STKLD1: variants seen among roughly 807,000 people sequenced by gnomAD.
The protein encoded by STKLD1 is serine/threonine kinase-like domain-containing protein STKLD1.
Under a neutral mutation model 80.4 loss-of-function variants are expected in STKLD1, and 79 were observed. The ratio of observed to expected loss-of-function variants is 0.98; its 90% CI spans 0.82 to 1.19. The LOEUF (loss-of-function observed/expected upper bound fraction) is 1.19, where lower values mean the gene tolerates loss of function less well. STKLD1 is among the 50% of genes most tolerant of loss of function. STKLD1 has a pLI of 0.00. For synonymous variants in STKLD1, 393 were observed against 357.6 expected (o/e 1.10, Z -1.12); for missense variants, 841 against 856.0 (o/e 0.98, Z 0.22).
Position 133,385,922 on chromosome 9 carries a change from GTT to G in STKLD1, c.294+244_294+245del, listed in dbSNP as rs781973246. On this transcript the variant is annotated intron_variant, in intron 4 of 17. Coordinates refer to ENST00000371957, the MANE Select transcript of STKLD1 (RefSeq NM_153710.5). The surrounding 1 kb of genome is among the most constrained non-coding windows in gnomAD (Gnocchi z 4.9). ...CCCCAAAAACCTCATCGTCAGGAGA[GTT>G]TTTTTTTTTTTTGGACAAAGTCTCG... Among the ~76,000 whole-genome samples, 7 of 143,448 alleles carry G rather than the reference GTT, an allele frequency of 4.9e-5. No individual in the cohort carries two copies. Among genetic ancestry groups the G allele is most frequent in the Admixed American group, 3.5e-4 (5 of 14,320 alleles). 94.1% of individuals were successfully genotyped at this position (143,448 alleles called of 152,430 possible).
At chr9:133,387,876 G>C (rs2130281212) in intron 5 of STKLD1, 1 of 493,564 alleles carries the variant, frequency 2.0e-6, no homozygotes, top group South Asian at 1.5e-5. Flanking sequence ...TGCCACTCCT[G>C]TCTGGTCTCC....
chr9:133,383,395 GTGA>G (rs1838194524), intron 2 of STKLD1, among the ~76,000 whole-genome samples: 1 of 61,458 alleles, frequency 1.6e-5, no homozygotes, highest in South Asian at 5.6e-4. Context: ...GGTAATGATG[GTGA>G]TGATATATGA....
In STKLD1 at chr9:133,403,019, G is replaced by A. The variant is rs143910928; in HGVS notation, c.1474+7G>A. 387 of 1,560,956 alleles carry A rather than the reference G, an allele frequency of 2.5e-4. 3 individuals carry two copies. The African/African-American group carries it at 4.9e-3, about 20-fold the overall frequency. On this transcript the variant is annotated splice_region_variant and intron_variant, in intron 14 of 17. Coordinates refer to ENST00000371957, the MANE Select transcript of STKLD1 (RefSeq NM_153710.5). ...TGGGCCCTCCTGCTGGACGGTGAGG[G>A]GCCCTCCTCCTGCTGTCCCACCGGG... is the stretch of plus-strand genomic sequence containing the variant.
Position 133,394,322 on chromosome 9 carries a change from A to G in STKLD1, c.615A>G (p.Glu205=). ...TTCGTAAGTCCTGGATGGCCCCTGA[A>G]GCCCTCAACTTCTCCTTCAGCCAGA... is the stretch of plus-strand genomic sequence containing the variant. ...DPFRKSWMAP[E]ALNFSFSQKS... The change falls in exon 8 of 18, where the codon GAA becomes GAG. Residue 205 remains glutamate (E), a synonymous_variant. Coordinates refer to ENST00000371957, the MANE Select transcript of STKLD1 (RefSeq NM_153710.5). This position sits in a 1 kb window ranked among gnomAD's most constrained non-coding sequence, Gnocchi z 4.9. 3 of 1,613,882 alleles carry G rather than the reference A, an allele frequency of 1.9e-6. No individual in the cohort carries two copies. The highest frequency in any genetic ancestry group is 2.2e-5 in the South Asian group (2 of 91,084).
Position 133,402,868 on chromosome 9 carries a change from T to C in STKLD1, c.1340-10T>C, listed in dbSNP as rs1554777904. On this transcript the variant is annotated splice_polypyrimidine_tract_variant and intron_variant, in intron 13 of 17. Transcript: ENST00000371957. ...GGGGCCCTGGGGCCCTCATTCTGGC[T>C]CACCCACAGAGTCAGAGTCACTGTC... 1.3e-6 allele frequency: 2 copies of C among 1,594,970 alleles called. No homozygotes were observed. The highest frequency in any genetic ancestry group is 1.7e-5 in the Admixed American group (1 of 57,982).
Position 133,402,998 on chromosome 9 carries a change from C to A in STKLD1, c.1460C>A (p.Ala487Asp). 1 of 1,571,282 alleles carries A rather than the reference C, an allele frequency of 6.4e-7. No homozygotes were observed. Among genetic ancestry groups the A allele is most frequent in the Admixed American group, 1.8e-5 (1 of 55,092 alleles). Residue 487 changes from alanine to aspartate, a missense_variant, in exon 14 of 18, where the codon GCC becomes GAC. By Grantham distance (126) the Ala-to-Asp change is moderately radical. Transcript: ENST00000371957. ...VCASGLGLLW[A>D]LLLDGIIVNK... The stretch of plus-strand genomic sequence containing the variant: ...GCCAGCGGCCTGGGCCTGCTCTGGG[C>A]CCTCCTGCTGGACGGTGAGGGGCCC...
chr9:133,392,969 T>C (rs1428797435), intron 7 of STKLD1, among the ~76,000 whole-genome samples: 29 of 138,824 alleles, frequency 2.1e-4, no homozygotes, highest in African/African-American at 8.0e-4. Context: ...GATGGGTGGG[T>C]AGGTGAGTAG....
Position 133,406,054 on chromosome 9 carries a change from A to C in STKLD1, c.*633A>C, listed in dbSNP as rs1816509466. 1 of 152,208 alleles carries C rather than the reference A, an allele frequency of 6.6e-6. No homozygotes were observed. Among genetic ancestry groups the C allele is most frequent in the East Asian group, 1.9e-4 (1 of 5,192 alleles). The allele number at this position is 152,208 out of a possible 1,614,324, so 9.4% of individuals were successfully genotyped here. ...ATGAGAGTCAACACTGAGCCTCCACAGGCTCCATTCCAAGTAAACATCTGC... is the reference window on the plus strand; with the variant it reads ...ATGAGAGTCAACACTGAGCCTCCACCGGCTCCATTCCAAGTAAACATCTGC... On this transcript the variant is annotated 3_prime_UTR_variant, in exon 18 of 18. Coordinates refer to ENST00000371957, the MANE Select transcript of STKLD1 (RefSeq NM_153710.5).
chr9:133,402,894 A>G lies in STKLD1; in HGVS notation c.1356A>G (p.Ser452=). 1 of 1,595,262 alleles carries G rather than the reference A, an allele frequency of 6.3e-7. No homozygotes were observed. Among genetic ancestry groups the G allele is most frequent in the African/African-American group, 1.3e-5 (1 of 74,648 alleles). Residue 452 remains serine (S), a synonymous_variant, in exon 14 of 18, where the codon TCA becomes TCG. Transcript: ENST00000371957. ...CACCCACAGAGTCAGAGTCACTGTC[A>G]GAGGAGCTGCAGAATGCTGGGCTGC... ...ITTTQESESL[S]EELQNAGLLE...
intron 16 of STKLD1, 22 bp from the exon 17 acceptor site, chr9:133,404,767 C>T (rs782819279): frequency 1.1e-5 from 18 of 1,609,310 alleles, no homozygotes; most frequent in African/African-American, 2.7e-5. Flanking sequence ...AGGGAATGAA[C>T]CCACTCCCAC....
rs1838512339 is a variant in STKLD1 at position 133,394,686 on chromosome 9, C to T, written c.702+277C>T. On this transcript the variant is annotated intron_variant, in intron 8 of 17. Coordinates refer to ENST00000371957, the MANE Select transcript of STKLD1 (RefSeq NM_153710.5). The surrounding 1 kb of genome is among the most constrained non-coding windows in gnomAD (Gnocchi z 4.9). ...GCAGCCCTCCAGGTGGTGTCACTGA[C>T]TCTTGATGGAGAAAAGCCAAGTTCA... 4.6e-6 allele frequency: 2 copies of T among 435,244 alleles called. No homozygotes were observed. Among genetic ancestry groups the T allele is most frequent in the Admixed American group, 3.6e-5 (1 of 28,152 alleles). The allele number at this position is 435,244 out of a possible 1,614,324, so 27.0% of individuals were successfully genotyped here. A position where few individuals can be genotyped will look rare whatever the true frequency, so the allele number is the denominator to read the frequency against.
chr9:133,383,732 T>G, intron 2 of STKLD1, 124 bp from the exon 3 acceptor site: 1 of 828,128 alleles, frequency 1.2e-6, no homozygotes, highest in Non-Finnish European at 2.1e-6. Context: ...ATGATGGTGA[T>G]GGTTGTGGTG....
At chr9:133,397,924 G>A in intron 10 of STKLD1, 48 bp from the exon 11 acceptor site, 2 of 1,528,936 alleles carry the variant, frequency 1.3e-6, no homozygotes, top group Non-Finnish European at 1.8e-6. Flanking sequence ...AGAGCCCCGA[G>A]GCCCTGGTCC....
In STKLD1 at chr9:133,384,179, T is replaced by C. The variant is rs1008635469; in HGVS notation, c.219+279T>C. 7 of 383,424 alleles carry C rather than the reference T, an allele frequency of 1.8e-5. No homozygotes were observed. In the Admixed American group the frequency reaches 3.0e-4, roughly 17 times the overall value. 23.8% of individuals were successfully genotyped at this position (383,424 alleles called of 1,614,324 possible). A position where few individuals can be genotyped will look rare whatever the true frequency, so the allele number is the denominator to read the frequency against. ...TTGGGCTGGGCACGGTGGCTCACAT[T>C]TGTAATCCCACCACTTTGGGAGGCC... On this transcript the variant is annotated intron_variant, in intron 3 of 17. Coordinates refer to ENST00000371957, the MANE Select transcript of STKLD1 (RefSeq NM_153710.5). This position sits in a 1 kb window ranked among gnomAD's most constrained non-coding sequence, Gnocchi z 4.3.
In STKLD1 at chr9:133,389,603, G is replaced by A; in HGVS notation, c.467+7G>A. 1 of 1,613,484 alleles carries A rather than the reference G, an allele frequency of 6.2e-7. No homozygotes were observed. The highest frequency in any genetic ancestry group is 8.5e-7 in the Non-Finnish European group (1 of 1,179,912). ...ATTTGGACATCATCCACAGGTAAGT[G>A]GGGCCCCTGACCTCTGCGGACTGGC... On this transcript the variant is annotated splice_region_variant and intron_variant, in intron 6 of 17. Transcript: ENST00000371957. The surrounding 1 kb of genome is among the most constrained non-coding windows in gnomAD (Gnocchi z 6.4).
intron 12 of STKLD1, among the ~76,000 whole-genome samples, chr9:133,401,109 G>C (rs990701493): frequency 6.6e-6 from 1 of 150,878 alleles, no homozygotes; most frequent in African/African-American, 2.5e-5. Context: ...AATTAGCTTT[G>C]ATGATTTTTT....
intron 12 of STKLD1, among the ~76,000 whole-genome samples, 197 bp from the exon 13 acceptor site, chr9:133,401,541 G>A (rs1037392914): frequency 6.6e-6 from 1 of 152,190 alleles, no homozygotes; most frequent in Non-Finnish European, 1.5e-5. Flanking sequence ...GGCCTGGCCG[G>A]GCAGGGCTCC....
Position 133,394,246 on chromosome 9 carries a change from C to T in STKLD1, c.584-45C>T, listed in dbSNP as rs587748686. 4 of 1,369,126 alleles carry T rather than the reference C, an allele frequency of 2.9e-6. No homozygotes were observed. Among genetic ancestry groups the T allele is most frequent in the African/African-American group, 2.9e-5 (2 of 70,048 alleles). 84.8% of individuals were successfully genotyped at this position (1,369,126 alleles called of 1,614,324 possible). On this transcript the variant is annotated intron_variant, in intron 7 of 17. Transcript: ENST00000371957. The surrounding 1 kb of genome is among the most constrained non-coding windows in gnomAD (Gnocchi z 4.9). ...GGTGACTCTGTCAAGCCCCTGCCCCCAGGGAGCAAAGGACTCAGGGATCCC... is the reference window on the plus strand; with the variant it reads ...GGTGACTCTGTCAAGCCCCTGCCCCTAGGGAGCAAAGGACTCAGGGATCCC...
intron 4 of STKLD1, among the ~76,000 whole-genome samples, chr9:133,386,174 C>T (rs958076991): frequency 6.6e-6 from 1 of 152,228 alleles, no homozygotes; most frequent in African/African-American, 2.4e-5. Flanking sequence ...CCGCCTCGGC[C>T]TCCCAAAGTG....
Sources: allele counts gnomAD v4.1 joint callset (sites outside exome capture counted in the v4.1 genomes callset), GRCh38; gene constraint gnomAD v4.1.1; non-coding constraint Gnocchi (gnomAD v3.1); transcripts MANE v1.5; gene names NCBI Gene and HGNC (gene_info 2026-07-23, HGNC 2026-07-21).